Variants in PAX7 observed in about 807,000 individuals in gnomAD.
The protein encoded by PAX7 is paired box protein Pax-7.
Under a neutral mutation model 50.7 loss-of-function variants are expected in PAX7, and 18 were observed. The ratio of observed to expected loss-of-function variants is 0.36; its 90% CI spans 0.25 to 0.53. The LOEUF is 0.53. Ranked by LOEUF, PAX7 falls within the 20% of genes least tolerant of loss-of-function variation. PAX7 has a pLI of 0.93. For synonymous variants in PAX7, 310 were observed against 290.4 expected (o/e 1.07, Z -0.69); for missense variants, 644 against 702.9 (o/e 0.92, Z 0.95).
At chr1:18,669,449 G>A (rs1045422351) in intron 4 of PAX7, among the ~76,000 whole-genome samples, 1 of 152,200 alleles carries the variant, frequency 6.6e-6, no homozygotes, top group Non-Finnish European at 1.5e-5. Context: ...CCCCTAGAGT[G>A]TCTGAGAACC....
intron 5 of PAX7, among the ~76,000 whole-genome samples, chr1:18,696,849 G>T (rs1342915614): frequency 6.6e-6 from 1 of 151,968 alleles, no homozygotes; most frequent in African/African-American, 2.4e-5. Flanking sequence ...AACACAATAG[G>T]GTGACTATAG....
At chr1:18,678,586 A>G (rs2088856178) in intron 4 of PAX7, among the ~76,000 whole-genome samples, 1 of 152,140 alleles carries the variant, frequency 6.6e-6, no homozygotes, top group Non-Finnish European at 1.5e-5. Flanking sequence ...TGGACTTTCC[A>G]CACATATCCA....
At chr1:18,681,442 G>C (rs961585376) in intron 4 of PAX7, among the ~76,000 whole-genome samples, 4 of 152,150 alleles carry the variant, frequency 2.6e-5, no homozygotes, top group Admixed American at 2.6e-4. Context: ...GCAGAAGAAA[G>C]AGCTCTGGGT....
At chr1:18,717,199 G>T (rs1403994559) in intron 7 of PAX7, among the ~76,000 whole-genome samples, 1 of 152,154 alleles carries the variant, frequency 6.6e-6, no homozygotes, top group Non-Finnish European at 1.5e-5. Context: ...AATTCCCGCT[G>T]CCCGGGCCTG....
intron 4 of PAX7, among the ~76,000 whole-genome samples, chr1:18,690,884 G>T (rs1277542019): frequency 6.6e-6 from 1 of 152,220 alleles, no homozygotes; most frequent in African/African-American, 2.4e-5. Flanking sequence ...GGAAAGTGAG[G>T]CCCGAGGAGG....
chr1:18,698,750 C>T lies in PAX7; in HGVS notation c.787-1903C>T, dbSNP rs145421998. 5.7e-3 allele frequency among the ~76,000 whole-genome samples: 861 copies of T among 152,278 alleles called. 6 individuals carry two copies. The highest frequency in any genetic ancestry group is 8.7e-3 in the Non-Finnish European group (594 of 68,008). ...GGAGAAGCCAGGGCTTTGAATCCAT[C>T]GGGAGCCAGTCGTTTTTCCTCCAGG... On this transcript the variant is annotated intron_variant, in intron 5 of 8. Transcript: ENST00000420770.
intron 5 of PAX7, among the ~76,000 whole-genome samples, chr1:18,692,223 AAAG>A (rs1570178255): frequency 6.6e-6 from 1 of 152,226 alleles, no homozygotes; most frequent in African/African-American, 2.4e-5. Context: ...GGTGGAAGGG[AAAG>A]AAGGACAAAA....
Position 18,653,986 on chromosome 1 carries a change from C to A in PAX7, c.586+17615C>A, listed in dbSNP as rs1458499849. ...TCTCAGCTCCTGCCCATTCTATGGGCCCCCAGCCCAGCCCTGTCGCAGGAG... is the reference window on the plus strand; with the variant it reads ...TCTCAGCTCCTGCCCATTCTATGGGACCCCAGCCCAGCCCTGTCGCAGGAG... On this transcript the variant is annotated intron_variant, in intron 4 of 8. Coordinates refer to ENST00000420770, the MANE Select transcript of PAX7 (RefSeq NM_001135254.2). 5.3e-5 allele frequency among the ~76,000 whole-genome samples: 8 copies of A among 152,128 alleles called. No individual in the cohort carries two copies. In the South Asian group the frequency reaches 1.2e-3, roughly 24 times the overall value.
Position 18,735,265 on chromosome 1 carries a change from A to C in PAX7, c.1156-367A>C, listed in dbSNP as rs2089695804. On this transcript the variant is annotated intron_variant, in intron 7 of 8. Coordinates refer to ENST00000420770, the MANE Select transcript of PAX7 (RefSeq NM_001135254.2). The surrounding 1 kb of genome is among the most constrained non-coding windows in gnomAD (Gnocchi z 4.0). ...TGGAGAACTCCCTGACTGATGGGAG[A>C]GGCCTCATTAGCCAGTTCGTTCATT... is the stretch of plus-strand genomic sequence containing the variant. Among the ~76,000 whole-genome samples, 1 of 152,204 alleles carries C rather than the reference A, an allele frequency of 6.6e-6. No individual in the cohort carries two copies. Among genetic ancestry groups the C allele is most frequent in the Non-Finnish European group, 1.5e-5 (1 of 68,034 alleles).
chr1:18,686,872 TC>T (rs2088983601), intron 4 of PAX7, among the ~76,000 whole-genome samples: 2 of 146,194 alleles, frequency 1.4e-5, no homozygotes, highest in African/African-American at 5.2e-5. Context: ...ACTCCTATCA[TC>T]TTTATTTTAT....
chr1:18,748,544 C>A lies in PAX7; in HGVS notation c.*3615C>A, dbSNP rs539447600. 6 of 231,022 alleles carry A rather than the reference C, an allele frequency of 2.6e-5. No individual in the cohort carries two copies. In the South Asian group the frequency reaches 1.1e-3, roughly 42 times the overall value. The allele number at this position is 231,022 out of a possible 1,614,324, so 14.3% of individuals were successfully genotyped here. A position where few individuals can be genotyped will look rare whatever the true frequency, so the allele number is the denominator to read the frequency against. On this transcript the variant is annotated 3_prime_UTR_variant, in exon 9 of 9. Coordinates refer to ENST00000420770, the MANE Select transcript of PAX7 (RefSeq NM_001135254.2). ...CAAGTCAGCTCTGACGTGGCCAATTCCCTGACCTGGGAAATATTTACATAG... is the reference window on the plus strand; with the variant it reads ...CAAGTCAGCTCTGACGTGGCCAATTACCTGACCTGGGAAATATTTACATAG...
rs909996187 is a variant in PAX7, at chr1:18,748,152, G to T, written c.*3223G>T. 4.5e-6 allele frequency: 1 copy of T among 220,832 alleles called. No homozygotes were observed. The highest frequency in any genetic ancestry group is 9.1e-6 in the Non-Finnish European group (1 of 110,238). The allele number at this position is 220,832 out of a possible 1,614,324, so 13.7% of individuals were successfully genotyped here. A position where few individuals can be genotyped will look rare whatever the true frequency, so the allele number is the denominator to read the frequency against. ...AAAAGAAGAATGGAGAGAGAGGTTTGCCCAGAAGGAAAACGAAGAGCCAGA... is the reference window on the plus strand; with the variant it reads ...AAAAGAAGAATGGAGAGAGAGGTTTTCCCAGAAGGAAAACGAAGAGCCAGA... On this transcript the variant is annotated 3_prime_UTR_variant, in exon 9 of 9. Coordinates refer to ENST00000420770, the MANE Select transcript of PAX7 (RefSeq NM_001135254.2).
intron 4 of PAX7, among the ~76,000 whole-genome samples, chr1:18,686,577 C>T (rs1421590862): frequency 6.6e-6 from 1 of 152,146 alleles, no homozygotes; most frequent in Non-Finnish European, 1.5e-5. Flanking sequence ...AGACTCAGCC[C>T]CAACCAGCAG....
chr1:18,747,407 C>T lies in PAX7; in HGVS notation c.*2478C>T. 1 of 227,328 alleles carries T rather than the reference C, an allele frequency of 4.4e-6. No homozygotes were observed. Among genetic ancestry groups the T allele is most frequent in the Non-Finnish European group, 8.8e-6 (1 of 114,282 alleles). 14.1% of individuals were successfully genotyped at this position (227,328 alleles called of 1,614,324 possible). ...ATGGGACTTATTCCTTGACAGGCCC[C>T]ACCCCCTTCAGAAAGAGGCCCTTGA... On this transcript the variant is annotated 3_prime_UTR_variant, in exon 9 of 9. Coordinates refer to ENST00000420770, the MANE Select transcript of PAX7 (RefSeq NM_001135254.2).
intron 4 of PAX7, among the ~76,000 whole-genome samples, chr1:18,673,732 C>A (rs974098541): frequency 1.3e-5 from 2 of 152,182 alleles, no homozygotes; most frequent in Admixed American, 6.5e-5. Flanking sequence ...AGATGTCCGA[C>A]CCTTTGCAGT....
chr1:18,656,670 G>A (rs1388982256), intron 4 of PAX7, among the ~76,000 whole-genome samples: 1 of 151,746 alleles, frequency 6.6e-6, no homozygotes, highest in Non-Finnish European at 1.5e-5. Flanking sequence ...AAAGTAAAAT[G>A]AGTAAAATAA....
intron 4 of PAX7, among the ~76,000 whole-genome samples, chr1:18,649,741 G>A (rs1288400737): frequency 6.6e-6 from 1 of 152,156 alleles, no homozygotes; most frequent in Non-Finnish European, 1.5e-5. Context: ...CAACAGCAAG[G>A]GAAAATAAAG....
At chr1:18,744,701 G>GATGGATAGATAA (rs1553145066) in intron 8 of PAX7, 113 bp from the exon 9 acceptor site, 12 of 438,162 alleles carry the variant, frequency 2.7e-5, no homozygotes, top group African/African-American at 2.1e-4. Flanking sequence ...TGGATGGATG[G>GATGGATAGATAA]ATGGATGGAT....
In PAX7 at chr1:18,747,171, G is replaced by A. The variant is rs1931476338; in HGVS notation, c.*2242G>A. ...GGCTCAGAAAGTATCTGAGTATCCTGACACCCTCTGTGACTCAGGAGCAGG... is the reference window on the plus strand; with the variant it reads ...GGCTCAGAAAGTATCTGAGTATCCTAACACCCTCTGTGACTCAGGAGCAGG... On this transcript the variant is annotated 3_prime_UTR_variant, in exon 9 of 9. Coordinates refer to ENST00000420770, the MANE Select transcript of PAX7 (RefSeq NM_001135254.2). The A allele has an allele frequency of 4.3e-6, 1 of 230,048 alleles. No individual in the cohort carries two copies. Among genetic ancestry groups the A allele is most frequent in the African/African-American group, 2.2e-5 (1 of 45,124 alleles). The allele number at this position is 230,048 out of a possible 1,614,324, so 14.3% of individuals were successfully genotyped here. A position where few individuals can be genotyped will look rare whatever the true frequency, so the allele number is the denominator to read the frequency against.
Sources: allele counts gnomAD v4.1 joint callset (sites outside exome capture counted in the v4.1 genomes callset), GRCh38; gene constraint gnomAD v4.1.1; non-coding constraint Gnocchi (gnomAD v3.1); transcripts MANE v1.5; gene names NCBI Gene and HGNC (gene_info 2026-07-23, HGNC 2026-07-21).